The following FRMD4B variants were observed in gnomAD, a reference collection of about 807,000 sequenced individuals.
FRMD4B encodes FERM domain containing 4B, also known as FERM domain-containing protein 4B.
Under a neutral mutation model 141.5 loss-of-function variants are expected in FRMD4B, and 74 were observed. The observed-to-expected ratio is 0.52, with a 90% CI of 0.43 to 0.63. The LOEUF (loss-of-function observed/expected upper bound fraction) is 0.63, where lower values mean the gene tolerates loss of function less well. Among genes scored for constraint, FRMD4B ranks in the 30% least tolerant of loss-of-function variants. The pLI is 0.00. For synonymous variants in FRMD4B, 506 were observed against 467.9 expected, an observed-to-expected ratio of 1.08 and a Z score of -1.05; for missense variants, 1,366 against 1,253.4, an observed-to-expected ratio of 1.09 and a Z score of -1.36.
chr3:69,388,646 C>T (rs1418992341), upstream of FRMD4B, among the ~76,000 whole-genome samples: 3 of 152,132 alleles, frequency 2.0e-5, no homozygotes, highest in Non-Finnish European at 2.9e-5. Context: ...GTCTCAATGT[C>T]CTCATGTGTA....
At chr3:69,276,736 G>A (rs1222351483) in intron 5 of FRMD4B, among the ~76,000 whole-genome samples, 1 of 152,158 alleles carries the variant, frequency 6.6e-6, no homozygotes, top group Non-Finnish European at 1.5e-5. Context: ...GGGCTGAGGT[G>A]GGCAGATCAC....
At chr3:69,459,388 C>T (rs1197524023) in intron 1 of FRMD4B, among the ~76,000 whole-genome samples, 1 of 152,192 alleles carries the variant, frequency 6.6e-6, no homozygotes, top group African/African-American at 2.4e-5. Context: ...TAATGCAGGA[C>T]TCACTACAGC....
rs575431038 is a variant in FRMD4B, at chr3:69,496,165, A to G, written c.-129+46041T>C. 7.2e-5 allele frequency among the ~76,000 whole-genome samples: 11 copies of G among 152,362 alleles called. No homozygotes were observed. The South Asian group carries it at 2.3e-3, about 32-fold the overall frequency. Reference sequence around the variant, plus strand: ...GTAAAATAGGAGTAGAAAAATGGTTACAGATGGTGGCTTTAGTAAGTATTG... The same window carrying G: ...GTAAAATAGGAGTAGAAAAATGGTTGCAGATGGTGGCTTTAGTAAGTATTG... On this transcript the variant is annotated intron_variant, in intron 1 of 5. Coordinates refer to the FRMD4B transcript ENST00000459638.
chr3:69,507,069 C>G (rs6549227), intron 1 of FRMD4B, among the ~76,000 whole-genome samples: 125,132 of 152,118 alleles, frequency 0.82, 52,210 homozygotes, highest in East Asian at 0.99. Flanking sequence ...GATGTGTATT[C>G]TGAAGCCCCA....
chr3:69,362,759 T>G (rs1703507954), intron 1 of FRMD4B, among the ~76,000 whole-genome samples: 1 of 149,564 alleles, frequency 6.7e-6, no homozygotes, highest in Admixed American at 6.7e-5. Flanking sequence ...AATTTAAAAA[T>G]CCCATACTTT....
intron 1 of FRMD4B, among the ~76,000 whole-genome samples, chr3:69,435,969 A>G (rs1443130583): frequency 6.6e-6 from 1 of 152,178 alleles, no homozygotes; most frequent in Non-Finnish European, 1.5e-5. Flanking sequence ...TTTGTATAAA[A>G]AGGTGCATAT....
intron 1 of FRMD4B, among the ~76,000 whole-genome samples, chr3:69,525,635 A>G (rs1004935716): frequency 7.2e-5 from 11 of 151,996 alleles, no homozygotes; most frequent in African/African-American, 1.5e-4. Flanking sequence ...GCCACTGTAC[A>G]TATTGTCTCT....
At chr3:69,268,289 G>C (rs1265293566) in intron 5 of FRMD4B, among the ~76,000 whole-genome samples, 1 of 151,956 alleles carries the variant, frequency 6.6e-6, no homozygotes, top group African/African-American at 2.4e-5. Flanking sequence ...AAATTGTTAG[G>C]CGATGCAAGA....
chr3:69,451,236 C>T (rs1705493966), intron 1 of FRMD4B, among the ~76,000 whole-genome samples: 1 of 151,958 alleles, frequency 6.6e-6, no homozygotes, highest in South Asian at 2.1e-4. Flanking sequence ...TAAAAACTGT[C>T]CTGCTGCGAT....
At chr3:69,392,655 C>T (rs62251412) in intron 2 of FRMD4B, among the ~76,000 whole-genome samples, 3 of 151,762 alleles carry the variant, frequency 2.0e-5, no homozygotes, top group Non-Finnish European at 2.9e-5. Context: ...AACCATGGGG[C>T]CTTCACACAC....
At chr3:69,363,312 T>A (rs1703530437) in intron 1 of FRMD4B, among the ~76,000 whole-genome samples, 1 of 150,350 alleles carries the variant, frequency 6.7e-6, no homozygotes, top group Non-Finnish European at 1.5e-5. Context: ...CTTGAACTCC[T>A]GAGCTCAAGT....
intron 5 of FRMD4B, among the ~76,000 whole-genome samples, chr3:69,263,056 C>T (rs556661019): frequency 2.6e-5 from 4 of 151,876 alleles, no homozygotes; most frequent in African/African-American, 4.8e-5. Flanking sequence ...GTCGGGAGTT[C>T]GAGACCGGCC....
At chr3:69,257,307 C>T (rs1278379514) in intron 5 of FRMD4B, among the ~76,000 whole-genome samples, 1 of 152,212 alleles carries the variant, frequency 6.6e-6, no homozygotes, top group Non-Finnish European at 1.5e-5. Context: ...TATTTTAATA[C>T]TTCCAGTGTG....
intron 5 of FRMD4B, among the ~76,000 whole-genome samples, chr3:69,265,313 T>TATAC (rs2093555613): frequency 8.5e-6 from 1 of 117,178 alleles, no homozygotes; most frequent in African/African-American, 3.3e-5. Context: ...TATATATATA[T>TATAC]ATGCAGATAT....
At chr3:69,229,251 C>T (rs1361046033) in intron 7 of FRMD4B, among the ~76,000 whole-genome samples, 2 of 152,026 alleles carry the variant, frequency 1.3e-5, no homozygotes, top group Non-Finnish European at 2.9e-5. Context: ...ATCTCAAACT[C>T]CTGGCCTCCA....
chr3:69,276,346 C>T (rs531867042), intron 5 of FRMD4B, among the ~76,000 whole-genome samples: 5 of 152,230 alleles, frequency 3.3e-5, no homozygotes, highest in South Asian at 4.2e-4. Flanking sequence ...AGTCATGGTT[C>T]GCTGCAGCCT....
At chr3:69,202,059 C>T (rs1229917520) in intron 11 of FRMD4B, among the ~76,000 whole-genome samples, 3 of 151,992 alleles carry the variant, frequency 2.0e-5, no homozygotes, top group Non-Finnish European at 4.4e-5. Flanking sequence ...CAAAACTTAG[C>T]CGGGTATGGT....
At chr3:69,183,284 T>C (rs2092728281) in intron 19 of FRMD4B, among the ~76,000 whole-genome samples, 1 of 152,042 alleles carries the variant, frequency 6.6e-6, no homozygotes, top group Non-Finnish European at 1.5e-5. Context: ...TAAAATATTA[T>C]TGCTTTTGAT....
intron 22 of FRMD4B, 32 bp downstream of exon 22, chr3:69,176,492 G>T (rs776866047): frequency 3.8e-6 from 6 of 1,583,266 alleles, no homozygotes; most frequent in Non-Finnish European, 4.3e-6. Context: ...ACTGGAACAG[G>T]CTCCTAGGAT....
Sources: gnomAD v4.1 joint callset for allele counts (sites outside exome capture counted in the v4.1 genomes callset) on GRCh38, gnomAD v4.1.1 for gene constraint, MANE v1.5 for transcripts, NCBI Gene and HGNC (gene_info 2026-07-23, HGNC 2026-07-21) for gene names.